Variants in FRMD6 observed in about 807,000 individuals in gnomAD.
The protein encoded by FRMD6 is FERM domain-containing protein 6.
In FRMD6, 37 loss-of-function variants were observed where a neutral mutation model predicts 73.2. The observed-to-expected ratio is 0.51, with a 90% CI of 0.39 to 0.66. The LOEUF (loss-of-function observed/expected upper bound fraction) is 0.66, where lower values mean the gene tolerates loss of function less well. Among genes scored for constraint, FRMD6 ranks in the 30% least tolerant of loss-of-function variants. The pLI is 0.00. For missense variants in FRMD6, 714 were observed against 780.5 expected (o/e 0.91, Z 1.02); for synonymous variants, 273 against 282.2 (o/e 0.97, Z 0.33).
chr14:51,665,514 C>T lies in FRMD6; in HGVS notation c.-147+13518C>T, dbSNP rs78493453. Among the ~76,000 whole-genome samples the T allele has an allele frequency of 9.1e-3, 1,390 of 152,272 alleles. 23 individuals carry two copies. The highest frequency in any genetic ancestry group is 0.031 in the African/African-American group (1,306 of 41,544). ...CTCATGTTTCTGCTTCTGGCTTCTC[C>T]TTCCGCTGCGTCCGAGCTGCATGTT... On this transcript the variant is annotated intron_variant, in intron 1 of 13. Transcript: ENST00000344768.
chr14:51,713,820 C>G (rs1472449574), intron 9 of FRMD6: 1 of 152,200 alleles, frequency 6.6e-6, no homozygotes, highest in African/African-American at 2.4e-5. Context: ...GTGAAAGGAT[C>G]TGAGCTGTTT....
intron 2 of FRMD6, among the ~76,000 whole-genome samples, chr14:51,577,558 C>T (rs1596641805): frequency 6.6e-6 from 1 of 152,134 alleles, no homozygotes; most frequent in South Asian, 2.1e-4. Flanking sequence ...TAAAAATAAA[C>T]AACGTCAATT....
rs776850745 is a variant in FRMD6, at chr14:51,720,146, T to C, written c.1116T>C (p.Ser372=). The change falls in exon 11 of 14, where the codon AGT becomes AGC. Residue 372 remains serine (S), a synonymous_variant. Coordinates refer to ENST00000344768, the MANE Select transcript of FRMD6 (RefSeq NM_001267046.2). ...LEKRSRASGS[S]AGSMKHKRLS... is the part of the protein sequence containing the mutation. ...AACGGTCGCGGGCCAGCGGGAGCAGTGCGGGCAGCATGAAACACAAGCGCC... is the reference window on the plus strand; with the variant it reads ...AACGGTCGCGGGCCAGCGGGAGCAGCGCGGGCAGCATGAAACACAAGCGCC... The C allele has an allele frequency of 6.2e-6, 10 of 1,613,676 alleles. No individual in the cohort carries two copies. The African/African-American group carries it at 1.2e-4, about 19-fold the overall frequency.
chr14:51,528,794 C>G (rs575899521), intron 1 of FRMD6, among the ~76,000 whole-genome samples: 1 of 152,144 alleles, frequency 6.6e-6, no homozygotes, highest in African/African-American at 2.4e-5. Flanking sequence ...GAACCATGTC[C>G]GTGCAGAGAA....
intron 1 of FRMD6, among the ~76,000 whole-genome samples, chr14:51,551,805 G>T (rs1479211255): frequency 6.6e-6 from 1 of 151,384 alleles, no homozygotes; most frequent in Non-Finnish European, 1.5e-5. Context: ...ACAAATAAAT[G>T]CATATAATAT....
chr14:51,504,595 T>A (rs972528587), intron 1 of FRMD6, among the ~76,000 whole-genome samples: 1 of 152,238 alleles, frequency 6.6e-6, no homozygotes, highest in Non-Finnish European at 1.5e-5. Context: ...GCTCCTTTTC[T>A]TTTAACCCTG....
the FRMD6 span, among the ~76,000 whole-genome samples, chr14:51,454,102 C>T: frequency 2.0e-5 from 3 of 152,170 alleles, no homozygotes; most frequent in African/African-American, 4.8e-5. Context: ...ACGCTGCCTC[C>T]GTGAGTCATT....
chr14:51,718,497 C>CAG (rs1897356553), intron 10 of FRMD6, among the ~76,000 whole-genome samples: 1 of 152,244 alleles, frequency 6.6e-6, no homozygotes, highest in Non-Finnish European at 1.5e-5. Context: ...TGCCACTCAT[C>CAG]CAAGGGCCAC....
chr14:51,421,128 TGGA>T, the FRMD6 span, among the ~76,000 whole-genome samples: 1 of 152,160 alleles, frequency 6.6e-6, no homozygotes, highest in Non-Finnish European at 1.5e-5. Context: ...ATGACAGTCT[TGGA>T]ACCAATCCCC....
intron 1 of FRMD6, among the ~76,000 whole-genome samples, chr14:51,559,694 C>A (rs1362778090): frequency 2.0e-5 from 3 of 152,096 alleles, no homozygotes; most frequent in Non-Finnish European, 2.9e-5. Flanking sequence ...AATTCAGAAC[C>A]TTCCTTTGAA....
At chr14:51,598,258 G>C (rs1219446147) in intron 2 of FRMD6, among the ~76,000 whole-genome samples, 1 of 152,072 alleles carries the variant, frequency 6.6e-6, no homozygotes, top group Non-Finnish European at 1.5e-5. Context: ...GACACAGAAA[G>C]TGGTCCCAAG....
intron 1 of FRMD6, among the ~76,000 whole-genome samples, chr14:51,539,228 C>A (rs771199888): frequency 6.6e-6 from 1 of 152,106 alleles, no homozygotes; most frequent in South Asian, 2.1e-4. Context: ...CTTCTGAATT[C>A]TTCCACCTAG....
the FRMD6 span, among the ~76,000 whole-genome samples, chr14:51,434,310 C>T: frequency 6.6e-6 from 1 of 152,050 alleles, no homozygotes; most frequent in Non-Finnish European, 1.5e-5. Context: ...TGTTAAATGC[C>T]ATTCTTCAAT....
intron 1 of FRMD6, among the ~76,000 whole-genome samples, chr14:51,652,563 G>A (rs1363278381): frequency 1.3e-5 from 2 of 152,266 alleles, no homozygotes; most frequent in Non-Finnish European, 2.9e-5. Context: ...GCCCGGCTGC[G>A]GGAAGGGACC....
At chr14:51,407,492 A>G in the FRMD6 span, among the ~76,000 whole-genome samples, 121 of 152,056 alleles carry the variant, frequency 8.0e-4, 1 homozygote, top group African/African-American at 2.8e-3. Flanking sequence ...GGTGAAAAAT[A>G]AAATTTCACC....
At chr14:51,486,152 A>T (rs1882756916), upstream of FRMD6, among the ~76,000 whole-genome samples, 1 of 151,618 alleles carries the variant, frequency 6.6e-6, no homozygotes. Context: ...CTCCTGCCTC[A>T]GCCTCCCGAG....
intron 1 of FRMD6, among the ~76,000 whole-genome samples, chr14:51,673,070 TC>T (rs1207258156): frequency 6.6e-6 from 1 of 152,162 alleles, no homozygotes; most frequent in Admixed American, 6.5e-5. Context: ...TAGAGTTGGT[TC>T]AGGGCAGCCT....
At position 51,713,235 on chromosome 14, in the gene FRMD6, A is replaced by G. The variant is rs557072971; in HGVS notation, c.849+684A>G. ...CACTTTGGGAGGCCAAGGTGAGCAG[A>G]TCACCTGAGGTCAGGAGTTCGAGAC... On this transcript the variant is annotated intron_variant, in intron 9 of 13. Coordinates refer to ENST00000344768, the MANE Select transcript of FRMD6 (RefSeq NM_001267046.2). 7.2e-5 allele frequency among the ~76,000 whole-genome samples: 11 copies of G among 152,284 alleles called. No individual in the cohort carries two copies. In the South Asian group the frequency reaches 2.1e-3, roughly 29 times the overall value.
rs1897456497 is a variant in FRMD6 at position 51,720,111 on chromosome 14, C to T, written c.1081C>T (p.Gln361Ter). ...ISDNLDLDMD[Q>*]LEKRSRASGS... ...TGACAACCTGGACCTCGACATGGAC[C>T]AGCTGGAAAAACGGTCGCGGGCCAG... Residue 361 changes from glutamine to a stop codon, truncating the protein, a stop_gained, in exon 11 of 14, where the codon CAG becomes TAG. Coordinates refer to ENST00000344768, the MANE Select transcript of FRMD6 (RefSeq NM_001267046.2). LOFTEE classifies it high-confidence loss of function. 4 of 1,613,640 alleles carry T rather than the reference C, an allele frequency of 2.5e-6. No individual in the cohort carries two copies. Among genetic ancestry groups the T allele is most frequent in the East Asian group, 2.2e-5 (1 of 44,894 alleles).
Sources: gnomAD v4.1 joint callset for allele counts (sites outside exome capture counted in the v4.1 genomes callset) on GRCh38, gnomAD v4.1.1 for gene constraint, MANE v1.5 for transcripts, NCBI Gene and HGNC (gene_info 2026-07-23, HGNC 2026-07-21) for gene names.